Variants in CNKSR2 observed in about 807,000 individuals in gnomAD.
CNKSR2 encodes the protein connector enhancer of kinase suppressor of Ras 2.
In CNKSR2, 14 loss-of-function variants were observed where a neutral mutation model predicts 84.4. That is an observed-to-expected ratio of 0.17 (90% CI 0.11 to 0.26). The LOEUF is 0.26. Ranked by LOEUF, CNKSR2 falls within the 10% of genes least tolerant of loss-of-function variation. The pLI, the probability that CNKSR2 is intolerant of heterozygous loss-of-function variation, is 1.00. For synonymous variants in CNKSR2, 275 were observed against 277.9 expected (o/e 0.99, Z 0.10); for missense variants, 485 against 771.2 (o/e 0.63, Z 4.40).
chrX:21,640,678 C>T (rs1259634872), intron 20 of CNKSR2, among the ~76,000 whole-genome samples: 1 of 111,733 alleles, frequency 8.9e-6, no homozygotes, highest in African/African-American at 3.3e-5. Flanking sequence ...AAAGATACTA[C>T]AAGATGTTGC....
At position 21,374,758 on chromosome X, in the gene CNKSR2, GAC is replaced by G. The variant is rs1239790779; in HGVS notation, c.-134_-133del. 2.4e-5 allele frequency: 13 copies of G among 542,991 alleles called. No homozygotes were observed. The highest frequency in any genetic ancestry group is 3.9e-5 in the Non-Finnish European group (12 of 307,004). 44.7% of individuals were successfully genotyped at this position (542,991 alleles called of 1,213,427 possible). ...AAAAGACGTTACAGCCGCGAGACCCGACACACAAAAGCCGCTTTCTCCGCGCC... is the reference window on the plus strand; with the variant it reads ...AAAAGACGTTACAGCCGCGAGACCCGACACAAAAGCCGCTTTCTCCGCGCC... On this transcript the variant is annotated 5_prime_UTR_variant, in exon 1 of 22. Transcript: ENST00000379510.
At chrX:21,505,066 C>G (rs1302357540) in intron 8 of CNKSR2, 1 of 236,468 alleles carries the variant, frequency 4.2e-6, no homozygotes, top group African/African-American at 2.9e-5. Context: ...ATTTTTTTAG[C>G]TGATGAGACT....
intron 1 of CNKSR2, among the ~76,000 whole-genome samples, chrX:21,381,895 T>C (rs1367421757): frequency 2.7e-5 from 3 of 111,884 alleles, no homozygotes; most frequent in Non-Finnish European, 5.6e-5. Flanking sequence ...TATGCTGTCC[T>C]AGTACCATGT....
chrX:21,566,145 G>A (rs144774476), intron 13 of CNKSR2, among the ~76,000 whole-genome samples: 245 of 111,305 alleles, frequency 2.2e-3, no homozygotes, highest in African/African-American at 7.2e-3. Context: ...GTATGATGAT[G>A]TTAATAATGT....
chrX:21,508,445 A>G (rs2091637358), intron 8 of CNKSR2, among the ~76,000 whole-genome samples: 1 of 112,554 alleles, frequency 8.9e-6, no homozygotes, highest in African/African-American at 3.2e-5. Context: ...CTTTCACTAC[A>G]ATGTAATTGT....
chrX:21,628,842 T>C (rs984866248), intron 20 of CNKSR2, among the ~76,000 whole-genome samples: 2 of 112,560 alleles, frequency 1.8e-5, no homozygotes, highest in African/African-American at 3.2e-5. Context: ...GTCTTGGTGA[T>C]TAACATTCAG....
intron 20 of CNKSR2, chrX:21,637,211 G>A (rs915347619): frequency 9.9e-5 from 11 of 111,122 alleles, no homozygotes; most frequent in Non-Finnish European, 1.5e-4. Context: ...AACAGTAGGT[G>A]GATTAAGATG....
chrX:21,497,414 C>T (rs1384532276), intron 6 of CNKSR2, among the ~76,000 whole-genome samples: 3 of 111,055 alleles, frequency 2.7e-5, no homozygotes, highest in Non-Finnish European at 5.7e-5. Flanking sequence ...AATAACATAC[C>T]AATATTTTAA....
chrX:21,556,812 A>C (rs1486239845), intron 11 of CNKSR2, among the ~76,000 whole-genome samples: 2 of 110,947 alleles, frequency 1.8e-5, no homozygotes, highest in Non-Finnish European at 3.8e-5. Context: ...GAAACAAAAA[A>C]TAAGGTGGTA....
At chrX:21,379,472 C>T (rs2089866840) in intron 1 of CNKSR2, among the ~76,000 whole-genome samples, 1 of 111,520 alleles carries the variant, frequency 9.0e-6, no homozygotes, top group South Asian at 3.7e-4. Flanking sequence ...AACAGGAATT[C>T]TTGTCATTTT....
chrX:21,486,558 G>A (rs965793176), intron 5 of CNKSR2, among the ~76,000 whole-genome samples: 5 of 111,511 alleles, frequency 4.5e-5, no homozygotes, highest in Admixed American at 9.5e-5. Context: ...TGTTAAACTC[G>A]CTATAATACC....
intron 20 of CNKSR2, 101 bp from the exon 21 acceptor site, chrX:21,648,730 C>CATGTGTCA (rs2092712483): frequency 1.6e-6 from 1 of 637,255 alleles, no homozygotes. Flanking sequence ...ATAAATTTTC[C>CATGTGTCA]ATGTGTCAAA....
intron 17 of CNKSR2, among the ~76,000 whole-genome samples, chrX:21,597,124 T>C (rs1255114709): frequency 8.9e-6 from 1 of 111,823 alleles, no homozygotes; most frequent in Non-Finnish European, 1.9e-5. Context: ...TAATACAATG[T>C]AATCATTCAC....
At chrX:21,540,364 G>A (rs1234565361) in intron 11 of CNKSR2, among the ~76,000 whole-genome samples, 4 of 111,185 alleles carry the variant, frequency 3.6e-5, no homozygotes, top group Admixed American at 9.6e-5. Flanking sequence ...AGACCCTAAC[G>A]ACCCCAACAG....
intron 2 of CNKSR2, among the ~76,000 whole-genome samples, chrX:21,431,072 T>C (rs1193200395): frequency 8.9e-6 from 1 of 112,089 alleles, no homozygotes; most frequent in East Asian, 2.8e-4. Context: ...CGATTAAATC[T>C]GTAGTGGTAA....
In CNKSR2 at chrX:21,609,504, C is replaced by T; in HGVS notation, c.2579C>T (p.Ala860Val). Reference protein sequence around the residue: ...DSGFNHCCLNAPVSACDPQDD... With the variant: ...DSGFNHCCLNVPVSACDPQDD... ...GGGTTCAACCATTGCTGTCTGAATGCTCCAGTTAGTGCCTGTGACCCACAG... is the reference window on the plus strand; with the variant it reads ...GGGTTCAACCATTGCTGTCTGAATGTTCCAGTTAGTGCCTGTGACCCACAG... The change falls in exon 20 of 22, where the codon GCT (alanine) becomes GTT (valine). Residue 860 changes from alanine to valine, a missense_variant. Ala to Val is a moderately conservative substitution (Grantham distance 64). Coordinates refer to ENST00000379510, the MANE Select transcript of CNKSR2 (RefSeq NM_014927.5). 4.1e-6 allele frequency: 5 copies of T among 1,211,242 alleles called. No homozygotes were observed. The highest frequency in any genetic ancestry group is 5.6e-6 in the Non-Finnish European group (5 of 895,465).
At position 21,609,412 on chromosome X, in the gene CNKSR2, T is replaced by C; in HGVS notation, c.2487T>C (p.Ser829=). Residue 829 remains serine, a synonymous_variant, in exon 20 of 22, where the codon AGT becomes AGC. Transcript: ENST00000379510. ...ATGGGCCATACCCCTTAGCTGAGAG[T>C]GAGAGGATGCAAGTGCTAAATGGAA... ...DHYGPYPLAE[S]ERMQVLNGNG... 8.3e-7 allele frequency: 1 copy of C among 1,209,621 alleles called. No homozygotes were observed. Among genetic ancestry groups the C allele is most frequent in the Non-Finnish European group, 1.1e-6 (1 of 894,934 alleles).
intron 10 of CNKSR2, 61 bp from the exon 11 acceptor site, chrX:21,531,795 T>C (rs2091888605): frequency 1.3e-6 from 1 of 771,715 alleles, no homozygotes; most frequent in African/African-American, 2.1e-5. Context: ...TTTTAGACCC[T>C]CGGCCATTTA....
At chrX:21,405,573 C>T (rs1471216348) in intron 1 of CNKSR2, among the ~76,000 whole-genome samples, 1 of 110,946 alleles carries the variant, frequency 9.0e-6, no homozygotes. Context: ...GGTTGATTTT[C>T]TTGGTATTTC....
Sources: allele counts gnomAD v4.1 joint callset (sites outside exome capture counted in the v4.1 genomes callset), GRCh38; gene constraint gnomAD v4.1.1; transcripts MANE v1.5; gene names NCBI Gene and HGNC (gene_info 2026-07-23, HGNC 2026-07-21).